The following ATP6V1H variants were observed in gnomAD, a reference collection of about 807,000 sequenced individuals.
ATP6V1H encodes the protein V-type proton ATPase subunit H.
In ATP6V1H, 39 loss-of-function variants were observed where a neutral mutation model predicts 71.7. That is an observed-to-expected ratio of 0.54 (90% CI 0.42 to 0.71). The LOEUF is 0.71. Ranked by LOEUF, ATP6V1H falls within the 30% of genes least tolerant of loss-of-function variation. ATP6V1H has a pLI of 0.00. For synonymous variants in ATP6V1H, 192 were observed against 199.3 expected (o/e 0.96, Z 0.31); for missense variants, 509 against 594.9 (o/e 0.86, Z 1.50).
chr8:53,841,587 G>A lies in ATP6V1H; in HGVS notation c.104C>T (p.Ser35Phe), dbSNP rs1209418841. Residue 35 changes from serine (S) to phenylalanine (F), a missense_variant, in exon 2 of 14, where the codon TCC (serine) becomes TTC (phenylalanine). By Grantham distance (155) the Ser-to-Phe change is radical. This residue lies in a region of ATP6V1H where 297 missense variants were observed against 303.3 expected (regional missense o/e 0.98). Transcript: ENST00000359530. ...EVRANKVNWQ[S>F]YLQGQMISAE... ...GCAAATTGGTACTTACTGAAGATAG[G>A]ATTGCCAGTTGACTTTGTTTGCACG... 1 of 1,613,980 alleles carries A rather than the reference G, an allele frequency of 6.2e-7. No individual in the cohort carries two copies. The highest frequency in any genetic ancestry group is 1.3e-5 in the African/African-American group (1 of 74,930).
intron 9 of ATP6V1H, among the ~76,000 whole-genome samples, chr8:53,793,532 C>G (rs2130406297): frequency 6.6e-6 from 1 of 152,102 alleles, no homozygotes; most frequent in African/African-American, 2.4e-5. Flanking sequence ...ATAGTCCCAG[C>G]TACTTGGGAG....
intron 12 of ATP6V1H, among the ~76,000 whole-genome samples, chr8:53,754,101 A>C (rs887173995): frequency 1.3e-5 from 2 of 152,186 alleles, no homozygotes; most frequent in Non-Finnish European, 2.9e-5. Flanking sequence ...CCAATCTCTC[A>C]TATGGCAGTA....
rs937759688 is a variant in ATP6V1H at position 53,719,544 on chromosome 8, C to G, written c.1392-3520G>C. Among the ~76,000 whole-genome samples, 3 of 152,312 alleles carry G rather than the reference C, an allele frequency of 2.0e-5. No individual in the cohort carries two copies. In the South Asian group the frequency reaches 6.2e-4, roughly 32 times the overall value. On this transcript the variant is annotated intron_variant, in intron 13 of 13. Transcript: ENST00000359530. ...CATTCCCAAGACTGGGGGACACAAG[C>G]CTGCCTCTGAATCCTCTGTGCCAGG...
intron 13 of ATP6V1H, among the ~76,000 whole-genome samples, chr8:53,739,355 T>C (rs1412734179): frequency 2.6e-5 from 4 of 152,180 alleles, no homozygotes; most frequent in East Asian, 3.9e-4. Context: ...AACTAAAATA[T>C]GCAAAGCAGA....
chr8:53,741,606 CTAAA>C (rs1295423070), intron 13 of ATP6V1H, among the ~76,000 whole-genome samples: 2 of 152,092 alleles, frequency 1.3e-5, no homozygotes, highest in Admixed American at 1.3e-4. Flanking sequence ...TATGAAATTA[CTAAA>C]TAAATGATTT....
intron 3 of ATP6V1H, chr8:53,832,270 T>C (rs1005601367): frequency 6.6e-6 from 1 of 152,152 alleles, no homozygotes; most frequent in Non-Finnish European, 1.5e-5. Flanking sequence ...TGTAAACAAG[T>C]CACCTTGAAC....
intron 9 of ATP6V1H, among the ~76,000 whole-genome samples, chr8:53,789,700 G>A (rs2130392788): frequency 6.6e-6 from 1 of 152,102 alleles, no homozygotes; most frequent in South Asian, 2.1e-4. Flanking sequence ...AAATAGACAA[G>A]TTATTAACAA....
chr8:53,813,280 A>T (rs1810344646), intron 6 of ATP6V1H, among the ~76,000 whole-genome samples: 1 of 152,204 alleles, frequency 6.6e-6, no homozygotes, highest in Non-Finnish European at 1.5e-5. Flanking sequence ...AAGAAACTCT[A>T]AAATATCTCC....
At chr8:53,755,511 G>C (rs1344589663) in intron 12 of ATP6V1H, among the ~76,000 whole-genome samples, 1 of 146,308 alleles carries the variant, frequency 6.8e-6, no homozygotes, top group Non-Finnish European at 1.5e-5. Context: ...CGGGGGGTGG[G>C]GGTGGGAGTG....
chr8:53,780,098 G>A (rs1809051443), intron 9 of ATP6V1H, among the ~76,000 whole-genome samples: 1 of 150,938 alleles, frequency 6.6e-6, no homozygotes, highest in African/African-American at 2.4e-5. Flanking sequence ...GGTAGAGGTT[G>A]CAGCGAGCCG....
At chr8:53,748,346 C>A (rs1244092870) in intron 12 of ATP6V1H, among the ~76,000 whole-genome samples, 12 of 152,074 alleles carry the variant, frequency 7.9e-5, no homozygotes, top group Admixed American at 6.5e-4. Flanking sequence ...AAATGGTATT[C>A]CTATATACTG....
Position 53,769,664 on chromosome 8 carries a change from T to C in ATP6V1H, c.1129A>G (p.Arg377Gly), listed in dbSNP as rs1563457737. Reference protein sequence around the residue: ...SPVHKSEKFWRENAVRLNEKN... With the variant: ...SPVHKSEKFWGENAVRLNEKN... ...TCATTTAACCTCACAGCATTCTCTCTCCAAAATTTCTCAGATTTGTGCACA... is the reference window on the plus strand; with the variant it reads ...TCATTTAACCTCACAGCATTCTCTCCCCAAAATTTCTCAGATTTGTGCACA... Residue 377 changes from arginine to glycine, a missense_variant, in exon 11 of 14, where the codon AGA (arginine) becomes GGA (glycine). Physicochemically the swap from Arg to Gly is moderately radical, Grantham distance 125. Transcript: ENST00000359530. The C allele has an allele frequency of 6.2e-7, 1 of 1,613,292 alleles. No homozygotes were observed. The highest frequency in any genetic ancestry group is 8.5e-7 in the Non-Finnish European group (1 of 1,179,442).
chr8:53,805,679 A>G (rs937732085), intron 7 of ATP6V1H, among the ~76,000 whole-genome samples: 1 of 152,214 alleles, frequency 6.6e-6, no homozygotes, highest in Non-Finnish European at 1.5e-5. Flanking sequence ...AAAGGTATAC[A>G]TCTGCCAAAA....
Position 53,807,932 on chromosome 8 carries a change from C to T in ATP6V1H, c.579+3232G>A, listed in dbSNP as rs542406125. ...TTAGGGGCTGCCACAATGGACAGTACAGCTATCGTGAGCATTTCTACCATC... is the reference window on the plus strand; with the variant it reads ...TTAGGGGCTGCCACAATGGACAGTATAGCTATCGTGAGCATTTCTACCATC... On this transcript the variant is annotated intron_variant, in intron 7 of 13. Transcript: ENST00000359530. 2.0e-5 allele frequency among the ~76,000 whole-genome samples: 3 copies of T among 152,346 alleles called. No homozygotes were observed. The East Asian group carries it at 5.8e-4, about 29-fold the overall frequency.
chr8:53,795,932 C>G (rs1809716244), intron 8 of ATP6V1H, 93 bp from the exon 9 acceptor site: 4 of 1,122,224 alleles, frequency 3.6e-6, no homozygotes, highest in South Asian at 1.6e-5. Flanking sequence ...TGGAACAGGT[C>G]TCTCTGAATT....
At chr8:53,769,549 C>A in intron 11 of ATP6V1H, 69 bp downstream of exon 11, 1 of 1,457,366 alleles carries the variant, frequency 6.9e-7, no homozygotes, top group Non-Finnish European at 9.2e-7. Flanking sequence ...TTTAGAGTGA[C>A]AAAAACGAGT....
At chr8:53,750,267 C>G (rs1376499729) in intron 12 of ATP6V1H, among the ~76,000 whole-genome samples, 2 of 152,086 alleles carry the variant, frequency 1.3e-5, no homozygotes, top group Non-Finnish European at 2.9e-5. Context: ...TTTCTTAAAA[C>G]TACAAAAGCA....
intron 12 of ATP6V1H, 100 bp downstream of exon 12, chr8:53,756,455 A>T: frequency 2.5e-6 from 2 of 787,498 alleles, no homozygotes; most frequent in Non-Finnish European, 4.0e-6. Flanking sequence ...TTGCTTTGTT[A>T]GTTCCTTTGC....
chr8:53,728,487 C>CT lies in ATP6V1H; in HGVS notation c.1392-12464dup, dbSNP rs1313796887. ...TAAAATATTATTAAAATTAACTCCA[C>CT]TTTTTTTAACTTTTCAAAATATGGC... On this transcript the variant is annotated intron_variant, in intron 13 of 13. Coordinates refer to ENST00000359530, the MANE Select transcript of ATP6V1H (RefSeq NM_015941.4). Among the ~76,000 whole-genome samples the CT allele has an allele frequency of 3.9e-5, 6 of 152,228 alleles. No individual in the cohort carries two copies. In the East Asian group the frequency reaches 7.7e-4, roughly 20 times the overall value.
Sources: gnomAD v4.1 joint callset for allele counts (sites outside exome capture counted in the v4.1 genomes callset) on GRCh38, gnomAD v4.1.1 for gene constraint, gnomAD v4.1.1 regional missense constraint, MANE v1.5 for transcripts, NCBI Gene and HGNC (gene_info 2026-07-23, HGNC 2026-07-21) for gene names.